CD96: variants seen among roughly 807,000 people sequenced by gnomAD.
CD96 encodes T-cell surface protein tactile.
Under a neutral mutation model 71.3 loss-of-function variants are expected in CD96, and 70 were observed. That is an observed-to-expected ratio of 0.98 (90% CI 0.81 to 1.20). CD96 has a LOEUF of 1.20. Among genes scored for constraint, CD96 ranks in the 50% most tolerant of loss-of-function variants. The pLI, the probability that CD96 is intolerant of heterozygous loss-of-function variation, is 0.00. For synonymous variants in CD96, 248 were observed against 233.0 expected, an observed-to-expected ratio of 1.06 and a Z score of -0.59; for missense variants, 742 against 677.5, an observed-to-expected ratio of 1.10 and a Z score of -1.06.
intron 1 of CD96, among the ~76,000 whole-genome samples, chr3:111,543,609 G>C (rs151275283): frequency 9.7e-4 from 148 of 152,290 alleles, no homozygotes; most frequent in African/African-American, 3.3e-3. Context: ...GCATAACATA[G>C]GTAATAGTTA....
intron 3 of CD96, among the ~76,000 whole-genome samples, chr3:111,573,707 A>G (rs565875661): frequency 6.6e-6 from 1 of 152,362 alleles, no homozygotes; most frequent in Admixed American, 6.5e-5. Context: ...ACATAACTAT[A>G]GATTCTCATC....
At position 111,606,762 on chromosome 3, in the gene CD96, C is replaced by T; in HGVS notation, c.1150C>T (p.Pro384Ser). 6.2e-7 allele frequency: 1 copy of T among 1,603,150 alleles called. No individual in the cohort carries two copies. Among genetic ancestry groups the T allele is most frequent in the Non-Finnish European group, 8.5e-7 (1 of 1,169,946 alleles). ...SVTESTLDTQ[P>S]SPASSVSPAR... is the part of the protein sequence containing the mutation. ...TACAGAATCTACCCTTGACACCCAA[C>T]CTTCTCCAGCCAGCAGTGTATCTCC... The change falls in exon 8 of 14, where the codon CCT becomes TCT. Residue 384 changes from proline to serine, a missense_variant. Physicochemically the swap from Pro to Ser is moderately conservative, Grantham distance 74. Transcript: ENST00000352690.
chr3:111,628,321 A>G (rs1310383512), intron 10 of CD96, among the ~76,000 whole-genome samples: 1 of 152,252 alleles, frequency 6.6e-6, no homozygotes, highest in East Asian at 1.9e-4. Context: ...TAGCCAGTAC[A>G]GAGAGGAACA....
downstream of CD96, among the ~76,000 whole-genome samples, chr3:111,654,591 C>G (rs1940184590): frequency 6.6e-6 from 1 of 152,182 alleles, no homozygotes; most frequent in African/African-American, 2.4e-5. Flanking sequence ...CACTCAGGTT[C>G]CTCATATTTG....
chr3:111,553,660 T>G (rs1424411864), intron 2 of CD96, among the ~76,000 whole-genome samples: 1 of 151,950 alleles, frequency 6.6e-6, no homozygotes, highest in African/African-American at 2.4e-5. Flanking sequence ...ATTTGATGTA[T>G]AGTTTGTATA....
chr3:111,562,286 A>T (rs1021092067), intron 2 of CD96, among the ~76,000 whole-genome samples: 1 of 152,218 alleles, frequency 6.6e-6, no homozygotes, highest in Non-Finnish European at 1.5e-5. Flanking sequence ...GTCCACCCAG[A>T]TTCAGCTGCA....
intron 8 of CD96, among the ~76,000 whole-genome samples, chr3:111,618,386 C>G (rs2107696790): frequency 6.6e-6 from 1 of 152,226 alleles, no homozygotes; most frequent in Middle Eastern, 3.4e-3. Context: ...TTATCTAGTT[C>G]ATACAATTAT....
At chr3:111,568,094 C>A (rs1935808779) in intron 3 of CD96, among the ~76,000 whole-genome samples, 1 of 152,164 alleles carries the variant, frequency 6.6e-6, no homozygotes, top group South Asian at 2.1e-4. Flanking sequence ...AGCACAGACT[C>A]TAATGCTTGT....
chr3:111,578,602 T>C (rs1220143247), intron 3 of CD96, among the ~76,000 whole-genome samples: 1 of 152,202 alleles, frequency 6.6e-6, no homozygotes, highest in African/African-American at 2.4e-5. Context: ...TAAAGGAATT[T>C]AGGGATAGCT....
At chr3:111,576,798 A>T (rs1936240082) in intron 3 of CD96, among the ~76,000 whole-genome samples, 1 of 152,186 alleles carries the variant, frequency 6.6e-6, no homozygotes, top group South Asian at 2.1e-4. Flanking sequence ...ACATAATACT[A>T]GTATTATTTC....
intron 2 of CD96, among the ~76,000 whole-genome samples, chr3:111,555,675 C>T (rs1012849849): frequency 2.0e-5 from 3 of 152,282 alleles, no homozygotes; most frequent in Non-Finnish European, 2.9e-5. Context: ...TTTTTGGCTT[C>T]CAGAAGTTTG....
At chr3:111,663,241 C>T (rs1346191012) in intron 14 of CD96, among the ~76,000 whole-genome samples, 1 of 152,128 alleles carries the variant, frequency 6.6e-6, no homozygotes, top group Non-Finnish European at 1.5e-5. Flanking sequence ...ATCACAAGAG[C>T]AGCAAGGGGG....
At chr3:111,646,829 A>G (rs77188133) in intron 12 of CD96, among the ~76,000 whole-genome samples, 14,249 of 152,078 alleles carry the variant, frequency 0.094, 932 homozygotes, top group Non-Finnish European at 0.14. Flanking sequence ...ACACCCATCC[A>G]CAGTGACTGG....
At chr3:111,555,959 C>T (rs920320619) in intron 2 of CD96, among the ~76,000 whole-genome samples, 131 of 152,320 alleles carry the variant, frequency 8.6e-4, no homozygotes, top group Non-Finnish European at 6.3e-4. Flanking sequence ...TTCTTTCAAT[C>T]CTTTTTCTCC....
At chr3:111,647,917 G>A (rs148215818) in intron 13 of CD96, among the ~76,000 whole-genome samples, 13 of 152,220 alleles carry the variant, frequency 8.5e-5, no homozygotes, top group African/African-American at 2.4e-4. Context: ...GAGCAAGTCC[G>A]TGGACATGAA....
intron 8 of CD96, among the ~76,000 whole-genome samples, chr3:111,618,373 A>G (rs1204907316): frequency 6.6e-6 from 1 of 152,144 alleles, no homozygotes; most frequent in African/African-American, 2.4e-5. Flanking sequence ...AATGAGAGTA[A>G]CATTATCTAG....
intron 7 of CD96, 75 bp downstream of exon 7, chr3:111,600,989 G>A: frequency 1.1e-6 from 1 of 922,028 alleles, no homozygotes; most frequent in South Asian, 1.4e-5. Flanking sequence ...TTAATGGGAA[G>A]ATTATCACTT....
chr3:111,595,666 G>A (rs150923653), intron 5 of CD96, among the ~76,000 whole-genome samples: 11 of 151,940 alleles, frequency 7.2e-5, no homozygotes, highest in Admixed American at 6.6e-4. Context: ...AGGAGGAAGA[G>A]TGGGAAAGGC....
intron 2 of CD96, among the ~76,000 whole-genome samples, chr3:111,553,241 T>C (rs571116642): frequency 6.6e-6 from 1 of 152,028 alleles, no homozygotes; most frequent in South Asian, 2.1e-4. Context: ...CCTTTTAATC[T>C]GAAAGCTATA....
Sources: allele counts gnomAD v4.1 joint callset (sites outside exome capture counted in the v4.1 genomes callset), GRCh38; gene constraint gnomAD v4.1.1; transcripts MANE v1.5; gene names NCBI Gene and HGNC (gene_info 2026-07-23, HGNC 2026-07-21).